The following CPNE4 variants were observed in gnomAD, a reference collection of about 807,000 sequenced individuals.
CPNE4 encodes copine-4.
In CPNE4, 25 loss-of-function variants were observed where a neutral mutation model predicts 67.9. That is an observed-to-expected ratio of 0.37 (90% confidence interval 0.27 to 0.51). The LOEUF (loss-of-function observed/expected upper bound fraction) is 0.51, where lower values mean the gene tolerates loss of function less well. Among genes scored for constraint, CPNE4 ranks in the 20% least tolerant of loss-of-function variants. CPNE4 has a pLI of 0.93. For missense variants in CPNE4, 464 were observed against 690.8 expected, an observed-to-expected ratio of 0.67 and a Z score of 3.68; for synonymous variants, 242 against 244.9, an observed-to-expected ratio of 0.99 and a Z score of 0.11.
rs141208789 is a variant in CPNE4, at chr3:131,815,891, A to G, written c.180+89373T>C. 1.1e-3 allele frequency among the ~76,000 whole-genome samples: 165 copies of G among 152,344 alleles called. 1 individual carries two copies. The highest frequency in any genetic ancestry group is 3.8e-3 in the African/African-American group (160 of 41,574). On this transcript the variant is annotated intron_variant, in intron 2 of 15. Transcript: ENST00000429747. The stretch of plus-strand genomic sequence containing the variant: ...TCTTTGGTTAGTTCACAGTGTTCCT[A>G]TAAATCTTTAGCATAACATTGCTAC...
In CPNE4 at chr3:131,792,661, G is replaced by GTGTGTATATA. The variant is rs1560321994; in HGVS notation, c.181-69037_181-69036insTATATACACA. ...CGTGTATATATGTATATATACACAC[G>GTGTGTATATA]TGTATATATACATATATACACACGT... On this transcript the variant is annotated intron_variant, in intron 2 of 15. Transcript: ENST00000429747. Among the ~76,000 whole-genome samples, 146 of 38,266 alleles carry GTGTGTATATA rather than the reference G, an allele frequency of 3.8e-3. 3 individuals carry two copies. Among genetic ancestry groups the GTGTGTATATA allele is most frequent in the African/African-American group, 0.016 (129 of 7,856 alleles). 25.1% of individuals were successfully genotyped at this position (38,266 alleles called of 152,430 possible). A position where few individuals can be genotyped will look rare whatever the true frequency, so the allele number is the denominator to read the frequency against.
At chr3:131,953,067 A>T (rs938654354) in intron 1 of CPNE4, among the ~76,000 whole-genome samples, 3 of 150,978 alleles carry the variant, frequency 2.0e-5, no homozygotes, top group Non-Finnish European at 4.4e-5. Context: ...AGTCATCACC[A>T]CTCCCTGATC....
At chr3:131,620,509 A>G (rs748737995) in intron 7 of CPNE4, 55 of 979,118 alleles carry the variant, frequency 5.6e-5, no homozygotes, top group Non-Finnish European at 6.3e-5. Context: ...TGGTAGGCAG[A>G]ATAATGGTTC....
chr3:131,756,503 A>G (rs1289845001), intron 2 of CPNE4, among the ~76,000 whole-genome samples: 1 of 152,224 alleles, frequency 6.6e-6, no homozygotes, highest in Non-Finnish European at 1.5e-5. Context: ...AGAAAGGTAC[A>G]TTGCATTATC....
chr3:131,641,145 G>A (rs73001263), intron 7 of CPNE4, among the ~76,000 whole-genome samples: 44,207 of 151,816 alleles, frequency 0.29, 9,926 homozygotes, highest in African/African-American at 0.63. Context: ...AGCAAATGCA[G>A]CAAAAATAAA....
At chr3:131,666,431 T>G (rs374965611) in intron 7 of CPNE4, among the ~76,000 whole-genome samples, 2 of 152,036 alleles carry the variant, frequency 1.3e-5, no homozygotes, top group African/African-American at 4.8e-5. Flanking sequence ...ACATATGTAA[T>G]GAAGAAAAAG....
At chr3:131,817,780 G>A (rs1381718457) in intron 2 of CPNE4, among the ~76,000 whole-genome samples, 4 of 152,198 alleles carry the variant, frequency 2.6e-5, no homozygotes, top group Non-Finnish European at 4.4e-5. Context: ...ACAGAGAGAC[G>A]TATTCTCTTG....
At chr3:131,658,259 A>G (rs927245755) in intron 7 of CPNE4, among the ~76,000 whole-genome samples, 1 of 152,148 alleles carries the variant, frequency 6.6e-6, no homozygotes, top group Non-Finnish European at 1.5e-5. Flanking sequence ...CCAGCAAAGA[A>G]GCTGGAGACT....
intron 2 of CPNE4, among the ~76,000 whole-genome samples, chr3:131,874,143 C>T (rs1265862338): frequency 6.6e-6 from 1 of 151,078 alleles, no homozygotes; most frequent in Non-Finnish European, 1.5e-5. Context: ...GGCTGGAGTG[C>T]AGTGGCGCAA....
intron 2 of CPNE4, among the ~76,000 whole-genome samples, chr3:131,801,420 G>GTATGTGTGTGTC (rs761078969): frequency 1.3e-5 from 1 of 75,666 alleles, no homozygotes; most frequent in Non-Finnish European, 2.5e-5. Flanking sequence ...ATATACGTGT[G>GTATGTGTGTGTC]TGTGTGTGTG....
intron 1 of CPNE4, among the ~76,000 whole-genome samples, chr3:131,967,222 C>T (rs1435195432): frequency 1.3e-5 from 2 of 152,152 alleles, no homozygotes; most frequent in Non-Finnish European, 2.9e-5. Context: ...TGGAACATAT[C>T]TAAAAATAAT....
chr3:131,999,217 T>C (rs2073366290), intron 1 of CPNE4, among the ~76,000 whole-genome samples: 1 of 125,128 alleles, frequency 8.0e-6, no homozygotes, highest in Admixed American at 8.9e-5. Context: ...CTCAGAAATC[T>C]CAATTATAGG....
intron 1 of CPNE4, among the ~76,000 whole-genome samples, chr3:131,973,720 G>T (rs1299384329): frequency 6.6e-6 from 1 of 152,164 alleles, no homozygotes; most frequent in Non-Finnish European, 1.5e-5. Flanking sequence ...AAGAAATCTG[G>T]AAAGAATGTT....
chr3:131,842,664 G>A (rs1048342443), intron 2 of CPNE4, among the ~76,000 whole-genome samples: 1 of 149,434 alleles, frequency 6.7e-6, no homozygotes, highest in South Asian at 2.1e-4. Context: ...ACCTCCAACA[G>A]GCAAGCTAAG....
chr3:131,863,121 G>A (rs564874488), intron 2 of CPNE4, among the ~76,000 whole-genome samples: 1 of 152,162 alleles, frequency 6.6e-6, no homozygotes, highest in African/African-American at 2.4e-5. Context: ...TTGGACATTT[G>A]GGTTGGTTCC....
chr3:131,953,110 G>T (rs151020755), intron 1 of CPNE4, among the ~76,000 whole-genome samples: 12,056 of 151,952 alleles, frequency 0.079, 620 homozygotes, highest in Admixed American at 0.16. Context: ...ACTGCAGAGG[G>T]CCGCAGGGTC....
chr3:131,939,647 ATAAGT>A (rs2071332505), intron 1 of CPNE4, among the ~76,000 whole-genome samples: 1 of 152,164 alleles, frequency 6.6e-6, no homozygotes, highest in African/African-American at 2.4e-5. Context: ...AGTTTGGATG[ATAAGT>A]TAACCATTAA....
At chr3:131,699,216 C>T (rs2081236001) in intron 4 of CPNE4, among the ~76,000 whole-genome samples, 1 of 152,160 alleles carries the variant, frequency 6.6e-6, no homozygotes, top group Non-Finnish European at 1.5e-5. Context: ...TAGCATTACC[C>T]AATAGAACAT....
At chr3:131,600,119 G>A (rs950994009) in intron 7 of CPNE4, among the ~76,000 whole-genome samples, 2 of 152,102 alleles carry the variant, frequency 1.3e-5, no homozygotes, top group African/African-American at 4.8e-5. Flanking sequence ...AGCCATAGAT[G>A]GCATTGATAT....
Sources: gnomAD v4.1 joint callset for allele counts (sites outside exome capture counted in the v4.1 genomes callset) on GRCh38, gnomAD v4.1.1 for gene constraint, MANE v1.5 for transcripts, NCBI Gene and HGNC (gene_info 2026-07-23, HGNC 2026-07-21) for gene names.